IL1RAPL1: variants seen among roughly 807,000 people sequenced by gnomAD.
IL1RAPL1 encodes the protein interleukin 1 receptor accessory protein like 1, also known as interleukin-1 receptor accessory protein-like 1.
A neutral mutation model predicts 48.4 loss-of-function variants in IL1RAPL1; 3 were observed. The observed-to-expected ratio is 0.06, with a 90% confidence interval of 0.03 to 0.16. The LOEUF is 0.16. Ranked by LOEUF, IL1RAPL1 falls within the 10% of genes least tolerant of loss-of-function variation. The pLI, the probability that IL1RAPL1 is intolerant of heterozygous loss-of-function variation, is 1.00. For missense variants in IL1RAPL1, 349 were observed against 530.6 expected, an observed-to-expected ratio of 0.66 and a Z score of 3.36; for synonymous variants, 185 against 187.7, an observed-to-expected ratio of 0.99 and a Z score of 0.12.
chrX:29,517,267 G>T (rs1177382573), intron 5 of IL1RAPL1, among the ~76,000 whole-genome samples: 1 of 108,562 alleles, frequency 9.2e-6, no homozygotes, highest in Non-Finnish European at 1.9e-5. Flanking sequence ...AAATTATTAG[G>T]ATATATATTT....
In IL1RAPL1 at chrX:28,669,762, A is replaced by T. The variant is rs1934928692; in HGVS notation, c.-25+81715A>T. Reference sequence around the variant, plus strand: ...AATTATATCATATCATATATAATTTATATATATAATCATATATAAATTGTA... The same window carrying T: ...AATTATATCATATCATATATAATTTTTATATATAATCATATATAAATTGTA... On this transcript the variant is annotated intron_variant, in intron 1 of 10. Transcript: ENST00000378993. Among the ~76,000 whole-genome samples, 4 of 104,404 alleles carry T rather than the reference A, an allele frequency of 3.8e-5. No homozygotes were observed. The Admixed American group carries it at 4.4e-4, about 11-fold the overall frequency. The allele number at this position is 104,404 out of a possible 115,157, so 90.7% of individuals were successfully genotyped here.
intron 1 of IL1RAPL1, among the ~76,000 whole-genome samples, chrX:28,768,824 GTATATATATA>G (rs200366562): frequency 1.1e-4 from 8 of 71,205 alleles, no homozygotes; most frequent in Admixed American, 6.9e-4. Flanking sequence ...ATGTGTGTGT[GTATATATATA>G]TATATATATA....
intron 1 of IL1RAPL1, among the ~76,000 whole-genome samples, chrX:28,699,435 C>T (rs1044054319): frequency 8.9e-6 from 1 of 112,233 alleles, no homozygotes; most frequent in Non-Finnish European, 1.9e-5. Context: ...ACAATAAGAG[C>T]ATATATGCAC....
chrX:29,744,608 GT>G (rs1442477993), intron 6 of IL1RAPL1, among the ~76,000 whole-genome samples: 2 of 112,280 alleles, frequency 1.8e-5, no homozygotes, highest in Non-Finnish European at 3.8e-5. Flanking sequence ...GTGATTAACT[GT>G]TTAGTTTTTC....
At chrX:29,815,673 G>A (rs5927225) in intron 6 of IL1RAPL1, among the ~76,000 whole-genome samples, 1 of 109,510 alleles carries the variant, frequency 9.1e-6, no homozygotes, top group Non-Finnish European at 1.9e-5. Flanking sequence ...TAGGATATAT[G>A]CTTCCAGCTT....
intron 2 of IL1RAPL1, among the ~76,000 whole-genome samples, chrX:29,204,822 C>T (rs576914734): frequency 1.8e-5 from 2 of 111,776 alleles, no homozygotes; most frequent in South Asian, 3.7e-4. Context: ...TTGTTTCCTT[C>T]TTGATGATTA....
chrX:28,806,810 T>C (rs1041344926), intron 2 of IL1RAPL1, among the ~76,000 whole-genome samples: 9 of 111,365 alleles, frequency 8.1e-5, no homozygotes, highest in Non-Finnish European at 1.7e-4. Flanking sequence ...TTATTTTAAA[T>C]TTCTTTGGAA....
chrX:29,783,476 T>C (rs887898522), intron 6 of IL1RAPL1, among the ~76,000 whole-genome samples: 1 of 111,391 alleles, frequency 9.0e-6, no homozygotes, highest in African/African-American at 3.3e-5. Flanking sequence ...AACTGAAAGA[T>C]ATTACTGATG....
intron 6 of IL1RAPL1, among the ~76,000 whole-genome samples, chrX:29,883,763 G>C (rs781147716): frequency 8.9e-6 from 1 of 112,163 alleles, no homozygotes; most frequent in Non-Finnish European, 1.9e-5. Context: ...CAGCAACACA[G>C]GGTATGACCT....
chrX:28,932,945 C>T (rs1923924388), intron 2 of IL1RAPL1, among the ~76,000 whole-genome samples: 1 of 111,343 alleles, frequency 9.0e-6, no homozygotes, highest in African/African-American at 3.3e-5. Flanking sequence ...TCCAATTCTA[C>T]TCCTAATCTT....
At position 29,602,180 on chromosome X, in the gene IL1RAPL1, A is replaced by T. The variant is rs367581332; in HGVS notation, c.704-66250A>T. On this transcript the variant is annotated intron_variant, in intron 5 of 10. Coordinates refer to ENST00000378993, the MANE Select transcript of IL1RAPL1 (RefSeq NM_014271.4). ...GTATTTTTAGTATAGACGGGGTTTC[A>T]CCATGTTGATCAGGCTGATCTCAAA... is the stretch of plus-strand genomic sequence containing the variant. Among the ~76,000 whole-genome samples, 312 of 103,201 alleles carry T rather than the reference A, an allele frequency of 3.0e-3. 16 individuals carry two copies. Among genetic ancestry groups the T allele is most frequent in the African/African-American group, 0.012 (285 of 23,159 alleles). The allele number at this position is 103,201 out of a possible 115,157, so 89.6% of individuals were successfully genotyped here.
At position 29,288,691 on chromosome X, in the gene IL1RAPL1, G is replaced by A. The variant is rs1481805166; in HGVS notation, c.362+5474G>A. Among the ~76,000 whole-genome samples, 10 of 112,261 alleles carry A rather than the reference G, an allele frequency of 8.9e-5. No individual in the cohort carries two copies. In the Admixed American group the frequency reaches 9.4e-4, roughly 11 times the overall value. On this transcript the variant is annotated intron_variant, in intron 3 of 10. Coordinates refer to ENST00000378993, the MANE Select transcript of IL1RAPL1 (RefSeq NM_014271.4). ...GAATATGCCCAGTAATGGGATTGCT[G>A]CATCAAATGGTATTTCTGTTTCTAT...
chrX:29,803,012 T>TATATGTGTACATATATACATAC (rs1569173398), intron 6 of IL1RAPL1, among the ~76,000 whole-genome samples: 7 of 43,350 alleles, frequency 1.6e-4, no homozygotes, highest in Admixed American at 7.2e-4. Flanking sequence ...CATATATACA[T>TATATGTGTACATATATACATAC]ATGTGTACAT....
intron 2 of IL1RAPL1, among the ~76,000 whole-genome samples, chrX:29,035,193 C>T (rs754721658): frequency 8.1e-5 from 9 of 110,975 alleles, no homozygotes; most frequent in East Asian, 5.7e-4. Context: ...GTGATCTGCC[C>T]GCCTCGGCCT....
chrX:28,602,543 C>T (rs1214831611), intron 1 of IL1RAPL1, among the ~76,000 whole-genome samples: 5 of 111,911 alleles, frequency 4.5e-5, no homozygotes, highest in African/African-American at 6.5e-5. Context: ...GTGCATCAGA[C>T]GCTATTTAAA....
rs867828502 is a variant in IL1RAPL1 at position 28,814,341 on chromosome X, T to G, written c.82+24916T>G. ...TATTCCTTTGGGGCAATTTTCAGGT[T>G]TGTGTGTGTGTGTGTGTGTGTGTGT... On this transcript the variant is annotated intron_variant, in intron 2 of 10. Coordinates refer to ENST00000378993, the MANE Select transcript of IL1RAPL1 (RefSeq NM_014271.4). Among the ~76,000 whole-genome samples the G allele has an allele frequency of 1.1e-4, 10 of 89,743 alleles. No individual in the cohort carries two copies. In the South Asian group the frequency reaches 2.4e-3, roughly 22 times the overall value. 77.9% of individuals were successfully genotyped at this position (89,743 alleles called of 115,157 possible). A position where few individuals can be genotyped will look rare whatever the true frequency, so the allele number is the denominator to read the frequency against.
intron 3 of IL1RAPL1, among the ~76,000 whole-genome samples, chrX:29,347,758 A>G (rs771049501): frequency 1.3e-4 from 15 of 111,637 alleles, no homozygotes; most frequent in African/African-American, 4.6e-4. Context: ...TCTCTTTGGC[A>G]TATCCAAATT....
intron 5 of IL1RAPL1, among the ~76,000 whole-genome samples, chrX:29,653,578 G>A (rs1207722646): frequency 2.7e-5 from 3 of 111,341 alleles, no homozygotes; most frequent in Non-Finnish European, 3.8e-5. Context: ...ATTGCTTATA[G>A]GCATGTTTTT....
At chrX:29,020,316 G>T (rs1377518857) in intron 2 of IL1RAPL1, among the ~76,000 whole-genome samples, 1 of 111,911 alleles carries the variant, frequency 8.9e-6, no homozygotes, top group Non-Finnish European at 1.9e-5. Context: ...TTACCCTGGT[G>T]GTCCCATAAG....
Sources: allele counts gnomAD v4.1 joint callset (sites outside exome capture counted in the v4.1 genomes callset), GRCh38; gene constraint gnomAD v4.1.1; transcripts MANE v1.5; gene names NCBI Gene and HGNC (gene_info 2026-07-23, HGNC 2026-07-21).